ATP2B2: variants seen among roughly 807,000 people sequenced by gnomAD.
ATP2B2 encodes the protein plasma membrane calcium-transporting ATPase 2.
ATP2B2 carries 15 observed loss-of-function variants against 120.0 expected under a neutral mutation model. The observed-to-expected ratio is 0.12, with a 90% CI of 0.08 to 0.19. The LOEUF is 0.19. Among genes scored for constraint, ATP2B2 ranks in the 10% least tolerant of loss-of-function variants. ATP2B2 has a pLI of 1.00. For synonymous variants in ATP2B2, 694 were observed against 700.3 expected (o/e 0.99, Z 0.14); for missense variants, 1,045 against 1,719.8 (o/e 0.61, Z 6.94).
intron 2 of ATP2B2, among the ~76,000 whole-genome samples, chr3:10,616,187 A>T (rs2069380646): frequency 6.6e-6 from 1 of 152,162 alleles, no homozygotes; most frequent in Non-Finnish European, 1.5e-5. Context: ...TGAAATCCTA[A>T]CACCTGCCAC....
At chr3:10,440,769 G>A (rs975409872) in intron 2 of ATP2B2, among the ~76,000 whole-genome samples, 3 of 152,204 alleles carry the variant, frequency 2.0e-5, no homozygotes, top group African/African-American at 7.2e-5. Context: ...GCAGCAGACC[G>A]AGGAGGTCAT....
chr3:10,564,405 G>A (rs867124088), intron 2 of ATP2B2, among the ~76,000 whole-genome samples: 8 of 152,136 alleles, frequency 5.3e-5, no homozygotes, highest in South Asian at 4.2e-4. Context: ...CTGCTCCACC[G>A]GTGGCTATTA....
chr3:10,476,137 C>G (rs1264808024), intron 1 of ATP2B2, among the ~76,000 whole-genome samples: 1 of 145,744 alleles, frequency 6.9e-6, no homozygotes, highest in Non-Finnish European at 1.5e-5. Context: ...ATAATCATAT[C>G]ACCCCCAAAA....
At chr3:10,433,428 A>T (rs972723177) in intron 2 of ATP2B2, among the ~76,000 whole-genome samples, 6 of 152,138 alleles carry the variant, frequency 3.9e-5, no homozygotes, top group African/African-American at 1.4e-4. Flanking sequence ...CTCCAAATAC[A>T]TCCCAGTGAG....
intron 1 of ATP2B2, among the ~76,000 whole-genome samples, chr3:10,483,632 T>C (rs2065503337): frequency 6.6e-6 from 1 of 152,174 alleles, no homozygotes; most frequent in Admixed American, 6.5e-5. Flanking sequence ...TCTCAGCTGC[T>C]CTGTCCCCTG....
intron 1 of ATP2B2, among the ~76,000 whole-genome samples, chr3:10,457,966 C>T (rs567051477): frequency 2.1e-4 from 32 of 152,280 alleles, no homozygotes; most frequent in Non-Finnish European, 3.1e-4. Flanking sequence ...CCCTTACCTT[C>T]CTACCAGGGT....
At position 10,655,644 on chromosome 3, in the gene ATP2B2, A is replaced by T. The variant is rs2070602933; in HGVS notation, c.-459-35683T>A. Among the ~76,000 whole-genome samples the T allele has an allele frequency of 4.6e-5, 7 of 152,338 alleles. 1 individual carries two copies. The South Asian group carries it at 8.3e-4, about 18-fold the overall frequency. On this transcript the variant is annotated intron_variant, in intron 1 of 21. Coordinates refer to the ATP2B2 transcript ENST00000646379. ...CTACACACATCAGTCGAAGAAGAAC[A>T]GGCCCCATGTCCCTGGACTTACGTG...
chr3:10,384,481 G>A (rs1298967526), intron 8 of ATP2B2, among the ~76,000 whole-genome samples: 2 of 152,188 alleles, frequency 1.3e-5, no homozygotes, highest in East Asian at 3.9e-4. Flanking sequence ...CTGTTGCTCT[G>A]AAGCCAGAAG....
chr3:10,363,559 A>G (rs1490779950), intron 12 of ATP2B2, among the ~76,000 whole-genome samples: 1 of 152,186 alleles, frequency 6.6e-6, no homozygotes, highest in Non-Finnish European at 1.5e-5. Context: ...TGAGAGGACA[A>G]TTCGTGCTCT....
intron 1 of ATP2B2, among the ~76,000 whole-genome samples, chr3:10,703,660 T>A (rs1422185480): frequency 2.0e-5 from 3 of 152,176 alleles, no homozygotes; most frequent in African/African-American, 7.2e-5. Context: ...TCTCTTCGAG[T>A]CTCAGTTTCC....
At chr3:10,459,955 C>T (rs1484827307) in intron 1 of ATP2B2, among the ~76,000 whole-genome samples, 1 of 152,212 alleles carries the variant, frequency 6.6e-6, no homozygotes, top group Non-Finnish European at 1.5e-5. Context: ...TCCAGCAGAC[C>T]AACTTCTTTG....
At chr3:10,552,155 C>T (rs1398242813) in intron 2 of ATP2B2, among the ~76,000 whole-genome samples, 3 of 152,242 alleles carry the variant, frequency 2.0e-5, no homozygotes, top group Non-Finnish European at 2.9e-5. Context: ...CCACGGCCGC[C>T]GCCTCGGTGC....
rs1377457476 is a variant in ATP2B2 at position 10,346,758 on chromosome 3, A to AC, written c.2405-622dup. On this transcript the variant is annotated intron_variant, in intron 16 of 22. Coordinates refer to ENST00000360273, the MANE Select transcript of ATP2B2 (RefSeq NM_001001331.4). The surrounding 1 kb of genome is among the most constrained non-coding windows in gnomAD (Gnocchi z 4.1). ...TGGGTGAAGGATGTCATCGGTGGGG[A>AC]CCTGTGGAGTTTGTGGGACTCCTCA... 6.6e-6 allele frequency among the ~76,000 whole-genome samples: 1 copy of AC among 152,094 alleles called. No homozygotes were observed. The highest frequency in any genetic ancestry group is 2.4e-5 in the African/African-American group (1 of 41,408).
chr3:10,331,976 T>C (rs2059992469), intron 22 of ATP2B2: 1 of 1,549,970 alleles, frequency 6.5e-7, no homozygotes, highest in African/African-American at 1.4e-5. Context: ...GGTTAAAGAC[T>C]CACAACCTCT....
intron 12 of ATP2B2, among the ~76,000 whole-genome samples, chr3:10,360,436 C>T (rs183733285): frequency 2.6e-5 from 4 of 152,312 alleles, no homozygotes; most frequent in East Asian, 1.9e-4. Flanking sequence ...AACATTATGC[C>T]GTACTTGCCT....
At chr3:10,357,947 G>A (rs548754025) in intron 14 of ATP2B2, among the ~76,000 whole-genome samples, 95 of 152,330 alleles carry the variant, frequency 6.2e-4, no homozygotes, top group African/African-American at 2.1e-3. Flanking sequence ...CTGAGTTCTT[G>A]GTCTTCCCCC....
At chr3:10,648,159 T>C (rs1175796858) in intron 1 of ATP2B2, among the ~76,000 whole-genome samples, 17 of 152,272 alleles carry the variant, frequency 1.1e-4, no homozygotes, top group Non-Finnish European at 2.2e-4. Context: ...TGGTTGCCCT[T>C]GAACTAGGTC....
At chr3:10,554,757 C>T (rs2067743220) in intron 2 of ATP2B2, among the ~76,000 whole-genome samples, 1 of 152,204 alleles carries the variant, frequency 6.6e-6, no homozygotes, top group African/African-American at 2.4e-5. Context: ...AAGCCAGAAG[C>T]AGGGCCTTGA....
chr3:10,380,566 G>C (rs1265633309), intron 8 of ATP2B2, among the ~76,000 whole-genome samples: 1 of 152,232 alleles, frequency 6.6e-6, no homozygotes, highest in Non-Finnish European at 1.5e-5. Flanking sequence ...AGGGAGATGA[G>C]CTGCTTGGGT....
Sources: allele counts gnomAD v4.1 joint callset (sites outside exome capture counted in the v4.1 genomes callset), GRCh38; gene constraint gnomAD v4.1.1; non-coding constraint Gnocchi (gnomAD v3.1); transcripts MANE v1.5; gene names NCBI Gene and HGNC (gene_info 2026-07-23, HGNC 2026-07-21).